The following LRMDA variants were observed in gnomAD, a reference collection of about 807,000 sequenced individuals.
LRMDA encodes the protein leucine-rich melanocyte differentiation-associated protein.
A neutral mutation model predicts 29.8 loss-of-function variants in LRMDA; 18 were observed. The observed-to-expected ratio is 0.60, with a 90% CI of 0.42 to 0.90. The LOEUF is 0.90. Ranked by LOEUF, LRMDA falls within the 40% of genes least tolerant of loss-of-function variation. LRMDA has a pLI of 0.00. For missense variants in LRMDA, 273 were observed against 273.9 expected (o/e 1.00, Z 0.02); for synonymous variants, 125 against 109.4 (o/e 1.14, Z -0.89).
rs1293014571 is a variant in LRMDA, at chr10:75,515,288, T to C, written c.131+76794T>C. On this transcript the variant is annotated intron_variant, in intron 2 of 6. Coordinates refer to ENST00000611255, the MANE Select transcript of LRMDA (RefSeq NM_001305581.2). Reference sequence around the variant, plus strand: ...TTTCTTTCAAGGTGACAAAATATTTTGGAACTAGATAGTGGTGATGGTTGC... The same window carrying C: ...TTTCTTTCAAGGTGACAAAATATTTCGGAACTAGATAGTGGTGATGGTTGC... 2.0e-5 allele frequency among the ~76,000 whole-genome samples: 3 copies of C among 152,166 alleles called. No individual in the cohort carries two copies. In the East Asian group the frequency reaches 5.8e-4, roughly 29 times the overall value.
At chr10:76,524,867 T>C (rs188010398) in intron 6 of LRMDA, among the ~76,000 whole-genome samples, 13 of 152,340 alleles carry the variant, frequency 8.5e-5, no homozygotes, top group Non-Finnish European at 1.5e-4. Flanking sequence ...TTAGTTCAGC[T>C]TTTCATTTTT....
chr10:75,764,869 A>G (rs897455220), intron 2 of LRMDA, among the ~76,000 whole-genome samples: 5 of 151,772 alleles, frequency 3.3e-5, no homozygotes, highest in African/African-American at 1.2e-4. Flanking sequence ...TTAGGAAACA[A>G]TGGGATCCTT....
intron 2 of LRMDA, among the ~76,000 whole-genome samples, chr10:75,676,030 CAG>C (rs1841955836): frequency 1.3e-5 from 2 of 152,254 alleles, no homozygotes; most frequent in South Asian, 2.1e-4. Flanking sequence ...ATCTTGTAGA[CAG>C]GGGAGAGTTT....
intron 2 of LRMDA, among the ~76,000 whole-genome samples, chr10:75,912,162 A>G (rs1341644834): frequency 2.0e-5 from 3 of 151,994 alleles, no homozygotes; most frequent in Non-Finnish European, 4.4e-5. Context: ...ACCATGCACC[A>G]TTACTCATTT....
intron 2 of LRMDA, among the ~76,000 whole-genome samples, chr10:75,992,862 G>A (rs1439803282): frequency 6.6e-6 from 1 of 152,018 alleles, no homozygotes; most frequent in African/African-American, 2.4e-5. Flanking sequence ...CTTGGACTCA[G>A]GTCCAAATTC....
chr10:75,629,174 T>G (rs925658237), intron 2 of LRMDA, among the ~76,000 whole-genome samples: 1 of 152,108 alleles, frequency 6.6e-6, no homozygotes, highest in South Asian at 2.1e-4. Context: ...AGACCTCCTC[T>G]CATCTGAGAA....
chr10:75,674,988 C>G (rs976185145), intron 2 of LRMDA, among the ~76,000 whole-genome samples: 3 of 152,164 alleles, frequency 2.0e-5, no homozygotes, highest in Non-Finnish European at 2.9e-5. Context: ...TTTGCAGCAG[C>G]CTTTTCATTT....
intron 2 of LRMDA, among the ~76,000 whole-genome samples, chr10:75,965,255 A>G (rs555848908): frequency 1.3e-5 from 2 of 152,348 alleles, no homozygotes; most frequent in South Asian, 4.1e-4. Flanking sequence ...GTCAAATATT[A>G]ATTATTGTTG....
At chr10:76,120,828 CTT>C (rs978706586) in intron 5 of LRMDA, among the ~76,000 whole-genome samples, 2,434 of 130,926 alleles carry the variant, frequency 0.019, 76 homozygotes, top group African/African-American at 0.063. Context: ...GTTGATTGTT[CTT>C]TTTTTTTTTT....
chr10:75,631,305 C>A (rs1014082451), intron 2 of LRMDA, among the ~76,000 whole-genome samples: 8 of 152,096 alleles, frequency 5.3e-5, no homozygotes, highest in African/African-American at 1.9e-4. Flanking sequence ...CTGCAGCCAC[C>A]TGGAGAAAAG....
At chr10:76,106,915 GGA>G (rs2132109068) in intron 5 of LRMDA, among the ~76,000 whole-genome samples, 1 of 152,316 alleles carries the variant, frequency 6.6e-6, no homozygotes, top group South Asian at 2.1e-4. Flanking sequence ...GCCAGACTGA[GGA>G]GAGAGTCCTC....
intron 5 of LRMDA, among the ~76,000 whole-genome samples, chr10:76,265,943 T>A (rs1840001887): frequency 6.6e-6 from 1 of 152,238 alleles, no homozygotes; most frequent in African/African-American, 2.4e-5. Flanking sequence ...AAATTAATCA[T>A]CTGCAAGATT....
chr10:76,395,485 C>T (rs921972544), intron 6 of LRMDA, among the ~76,000 whole-genome samples: 1 of 152,200 alleles, frequency 6.6e-6, no homozygotes, highest in Non-Finnish European at 1.5e-5. Flanking sequence ...CTTGGCTTCA[C>T]TTGTATGCCA....
At chr10:75,464,214 C>T (rs1483555012) in intron 2 of LRMDA, among the ~76,000 whole-genome samples, 2 of 152,152 alleles carry the variant, frequency 1.3e-5, no homozygotes, top group Non-Finnish European at 2.9e-5. Flanking sequence ...CTGTAGGGGT[C>T]GGGGACAGGC....
chr10:76,107,918 T>A (rs1849514275), intron 5 of LRMDA, among the ~76,000 whole-genome samples: 1 of 152,198 alleles, frequency 6.6e-6, no homozygotes, highest in Admixed American at 6.5e-5. Flanking sequence ...TTCTGGTTCC[T>A]GCTGGTACCA....
intron 2 of LRMDA, among the ~76,000 whole-genome samples, chr10:75,662,053 G>A (rs1841760014): frequency 6.6e-6 from 1 of 151,852 alleles, no homozygotes; most frequent in African/African-American, 2.4e-5. Context: ...TGTAAACTGA[G>A]GACCTTTTCT....
At chr10:76,147,367 G>T (rs1311574850) in intron 5 of LRMDA, among the ~76,000 whole-genome samples, 1 of 151,994 alleles carries the variant, frequency 6.6e-6, no homozygotes. Context: ...CATATTTCTT[G>T]GAGGCTTTGT....
chr10:76,092,406 A>T (rs954120198), intron 5 of LRMDA, among the ~76,000 whole-genome samples: 1 of 152,142 alleles, frequency 6.6e-6, no homozygotes, highest in Non-Finnish European at 1.5e-5. Context: ...ACCTGGATAT[A>T]CTTATTTCTG....
At chr10:75,530,549 C>G (rs1350910191) in intron 2 of LRMDA, among the ~76,000 whole-genome samples, 1 of 152,130 alleles carries the variant, frequency 6.6e-6, no homozygotes, top group Admixed American at 6.5e-5. Flanking sequence ...GTGAAGGGCA[C>G]CCCCATTCCT....
Sources: gnomAD v4.1 joint callset for allele counts (sites outside exome capture counted in the v4.1 genomes callset) on GRCh38, gnomAD v4.1.1 for gene constraint, MANE v1.5 for transcripts, NCBI Gene and HGNC (gene_info 2026-07-23, HGNC 2026-07-21) for gene names.